The following DLG2 variants were observed in gnomAD, a reference collection of about 807,000 sequenced individuals.
DLG2 encodes the protein disks large homolog 2.
Under a neutral mutation model 132.5 loss-of-function variants are expected in DLG2, and 45 were observed. The observed-to-expected ratio is 0.34, with a 90% CI of 0.27 to 0.44. The LOEUF is 0.44. Among genes scored for constraint, DLG2 ranks in the 20% least tolerant of loss-of-function variants. The pLI, the probability that DLG2 is intolerant of heterozygous loss-of-function variation, is 1.00. For synonymous variants in DLG2, 424 were observed against 419.6 expected, an observed-to-expected ratio of 1.01 and a Z score of -0.13; for missense variants, 1,045 against 1,196.9, an observed-to-expected ratio of 0.87 and a Z score of 1.87.
chr11:85,108,763 A>G (rs1274708250), intron 6 of DLG2, among the ~76,000 whole-genome samples: 1 of 152,018 alleles, frequency 6.6e-6, no homozygotes, highest in Non-Finnish European at 1.5e-5. Context: ...GTATTAAACT[A>G]TTTTCTTTTT....
intron 19 of DLG2, among the ~76,000 whole-genome samples, chr11:83,627,315 G>C (rs895920013): frequency 1.3e-5 from 2 of 151,626 alleles, no homozygotes; most frequent in African/African-American, 2.4e-5. Flanking sequence ...CAGTTAACTC[G>C]TCATTTAGCA....
chr11:84,124,790 A>AT (rs35791302), intron 9 of DLG2, among the ~76,000 whole-genome samples: 3 of 149,170 alleles, frequency 2.0e-5, no homozygotes, highest in South Asian at 2.1e-4. Flanking sequence ...TAGTGCCAAC[A>AT]TTTTTTTGCG....
intron 21 of DLG2, among the ~76,000 whole-genome samples, chr11:83,506,091 G>A (rs949613165): frequency 6.6e-6 from 1 of 152,204 alleles, no homozygotes; most frequent in African/African-American, 2.4e-5. Context: ...AGATGGGTCA[G>A]AAAGCACTTA....
chr11:83,594,048 C>T (rs2097241571), intron 19 of DLG2, among the ~76,000 whole-genome samples: 1 of 152,224 alleles, frequency 6.6e-6, no homozygotes, highest in African/African-American at 2.4e-5. Context: ...CTTAGATTTG[C>T]TTAGCCTTGA....
At chr11:85,097,652 G>A (rs1470717730) in intron 6 of DLG2, among the ~76,000 whole-genome samples, 1 of 152,130 alleles carries the variant, frequency 6.6e-6, no homozygotes, top group Non-Finnish European at 1.5e-5. Context: ...TCAGACAATT[G>A]TAAAGAGAAG....
At chr11:84,070,726 C>A (rs185808766) in intron 10 of DLG2, among the ~76,000 whole-genome samples, 2 of 152,270 alleles carry the variant, frequency 1.3e-5, no homozygotes, top group Admixed American at 1.3e-4. Context: ...GATATGAATT[C>A]TAATCCTGGG....
At chr11:84,727,115 T>A (rs138538012) in intron 6 of DLG2, among the ~76,000 whole-genome samples, 1,573 of 152,340 alleles carry the variant, frequency 0.01, 30 homozygotes, top group African/African-American at 0.036. Context: ...ATCCTGTTTG[T>A]CAATTTTGGC....
At chr11:84,268,337 T>C (rs1403785901) in intron 7 of DLG2, among the ~76,000 whole-genome samples, 1 of 152,208 alleles carries the variant, frequency 6.6e-6, no homozygotes, top group Non-Finnish European at 1.5e-5. Context: ...TTCTTGGTTT[T>C]AGTGTTTTCT....
chr11:83,957,461 CT>C (rs1357093840), intron 14 of DLG2, among the ~76,000 whole-genome samples: 3 of 152,102 alleles, frequency 2.0e-5, no homozygotes, highest in Non-Finnish European at 4.4e-5. Flanking sequence ...TATTCCTCTT[CT>C]CTTCCATTGC....
At chr11:84,595,045 G>C (rs538773209) in intron 6 of DLG2, among the ~76,000 whole-genome samples, 1 of 152,122 alleles carries the variant, frequency 6.6e-6, no homozygotes, top group Non-Finnish European at 1.5e-5. Context: ...AAAAATTACA[G>C]CAGCACTTTG....
chr11:84,413,281 T>C (rs920276212), intron 7 of DLG2, among the ~76,000 whole-genome samples: 3 of 152,176 alleles, frequency 2.0e-5, no homozygotes, highest in Non-Finnish European at 2.9e-5. Flanking sequence ...TCTGCTGATA[T>C]GAAAGAACAG....
chr11:85,527,150 T>C (rs2074822741), intron 3 of DLG2, among the ~76,000 whole-genome samples: 1 of 151,778 alleles, frequency 6.6e-6, no homozygotes, highest in Non-Finnish European at 1.5e-5. Context: ...TTTTTGTTTG[T>C]TTGTTTTTGC....
chr11:85,007,659 CG>C (rs1566633224), intron 6 of DLG2, among the ~76,000 whole-genome samples: 1 of 76,908 alleles, frequency 1.3e-5, no homozygotes, highest in Admixed American at 1.9e-4. Flanking sequence ...AGCAAGACTC[CG>C]TCTCAAAAAA....
chr11:85,165,000 G>A (rs2078329978), intron 4 of DLG2, among the ~76,000 whole-genome samples: 1 of 152,082 alleles, frequency 6.6e-6, no homozygotes, highest in African/African-American at 2.4e-5. Context: ...GTAGGGGTGG[G>A]GCTCTAAAGT....
chr11:85,056,440 G>T (rs1310673887), intron 6 of DLG2, among the ~76,000 whole-genome samples: 1 of 151,832 alleles, frequency 6.6e-6, no homozygotes, highest in African/African-American at 2.4e-5. Flanking sequence ...TAAACCAGAA[G>T]AAATGTTAAT....
intron 6 of DLG2, among the ~76,000 whole-genome samples, chr11:85,069,974 T>TA (rs1287020170): frequency 6.6e-6 from 1 of 151,944 alleles, no homozygotes; most frequent in Non-Finnish European, 1.5e-5. Context: ...TATGCAGCCA[T>TA]AAAAAATGAT....
At chr11:84,219,245 T>C (rs78445523) in intron 8 of DLG2, among the ~76,000 whole-genome samples, 1,962 of 152,316 alleles carry the variant, frequency 0.013, 37 homozygotes, top group African/African-American at 0.043. Context: ...GTTGACTTGG[T>C]TATTTTTACA....
intron 3 of DLG2, among the ~76,000 whole-genome samples, chr11:85,324,661 T>A (rs535558425): frequency 5.3e-5 from 8 of 151,752 alleles, no homozygotes; most frequent in Non-Finnish European, 1.2e-4. Flanking sequence ...ACACAAGAGG[T>A]TTTGAGGTTT....
chr11:84,576,989 T>C (rs1456598539), intron 6 of DLG2, among the ~76,000 whole-genome samples: 3 of 152,308 alleles, frequency 2.0e-5, no homozygotes, highest in African/African-American at 7.2e-5. Context: ...GGGAGGTAAT[T>C]GAATCATGGG....
Sources: gnomAD v4.1 joint callset for allele counts (sites outside exome capture counted in the v4.1 genomes callset) on GRCh38, gnomAD v4.1.1 for gene constraint, MANE v1.5 for transcripts, NCBI Gene and HGNC (gene_info 2026-07-23, HGNC 2026-07-21) for gene names.